Variants in KLKB1 observed in about 807,000 individuals in gnomAD.
The protein encoded by KLKB1 is plasma kallikrein.
A neutral mutation model predicts 73.6 loss-of-function variants in KLKB1; 58 were observed. The observed-to-expected ratio is 0.79, with a 90% CI of 0.64 to 0.98. The LOEUF is 0.98. KLKB1 is among the 50% of genes least tolerant of loss of function. The pLI is 0.00. For synonymous variants in KLKB1, 280 were observed against 258.1 expected, an observed-to-expected ratio of 1.08 and a Z score of -0.81; for missense variants, 737 against 763.8, an observed-to-expected ratio of 0.96 and a Z score of 0.41.
chr4:186,235,844 G>A (rs4253346), intron 4 of KLKB1, among the ~76,000 whole-genome samples: 1,748 of 152,030 alleles, frequency 0.011, 34 homozygotes, highest in African/African-American at 0.04. Flanking sequence ...GGCCGGGCGC[G>A]GTGGCTCACG....
Position 186,252,080 on chromosome 4 carries a change from C to A in KLKB1, c.1208C>A (p.Pro403His). ...GGTNSSWGEW[P>H]WQVSLQVKLT... ...ACAAACTCTTCTTGGGGAGAGTGGC[C>A]CTGGCAGGTGAGCCTGCAGGTGAAG... Residue 403 changes from proline to histidine, a missense_variant, in exon 11 of 15, where the codon CCC becomes CAC. Transcript: ENST00000264690. The A allele has an allele frequency of 6.2e-7, 1 of 1,614,006 alleles. No homozygotes were observed. Among genetic ancestry groups the A allele is most frequent in the Non-Finnish European group, 8.5e-7 (1 of 1,180,008 alleles).
At position 186,257,358 on chromosome 4, in the gene KLKB1, C is replaced by T; in HGVS notation, c.1718C>T (p.Ala573Val). The T allele has an allele frequency of 6.3e-7, 1 of 1,582,720 alleles. No individual in the cohort carries two copies. Among genetic ancestry groups the T allele is most frequent in the Non-Finnish European group, 8.6e-7 (1 of 1,163,702 alleles). ...GGCTATAAAGAAGGGGGAAAAGATG[C>T]TTGTAAGGTAACTCATGAGATTATG... ...CAGYKEGGKDACKGDSGGPLV... is the reference protein window; with the variant it reads ...CAGYKEGGKDVCKGDSGGPLV... Residue 573 changes from alanine (A) to valine (V), a missense_variant, in exon 14 of 15, where the codon GCT (alanine) becomes GTT (valine). Ala to Val is a moderately conservative substitution (Grantham distance 64). Transcript: ENST00000264690.
Position 186,251,780 on chromosome 4 carries a change from G to T in KLKB1, c.1063G>T (p.Gly355Cys), listed in dbSNP as rs754599677. Residue 355 changes from glycine to cysteine, a missense_variant, in exon 10 of 15, where the codon GGT (glycine) becomes TGT (cysteine). Transcript: ENST00000264690. Reference sequence around the variant, plus strand: ...GTGTTTCTTAAGATTATCTATGGATGGTTCTCCAACTAGGATTGCGTATGG... The same window carrying T: ...GTGTTTCTTAAGATTATCTATGGATTGTTCTCCAACTAGGATTGCGTATGG... ...CKCFLRLSMDGSPTRIAYGTQ... is the reference protein window; with the variant it reads ...CKCFLRLSMDCSPTRIAYGTQ... 1.1e-4 allele frequency: 182 copies of T among 1,613,822 alleles called. No individual in the cohort carries two copies. In the South Asian group the frequency reaches 2.0e-3, roughly 17 times the overall value.
chr4:186,221,443 T>A (rs1195854485), upstream of KLKB1, among the ~76,000 whole-genome samples: 7 of 152,114 alleles, frequency 4.6e-5, no homozygotes, highest in African/African-American at 1.4e-4. Context: ...AACTTCCTTC[T>A]TAGAACTGCT....
At position 186,254,678 on chromosome 4, in the gene KLKB1, G is replaced by A. The variant is rs906280138; in HGVS notation, c.1404G>A (p.Glu468=). The stretch of plus-strand genomic sequence containing the variant: ...ATACACCTTTCTCACAAATAAAAGA[G>A]ATTATTATTCACCAAAACTATAAAG... ...TKDTPFSQIK[E]IIIHQNYKVS... Residue 468 remains glutamate (E), a synonymous_variant, in exon 12 of 15, where the codon GAG becomes GAA. Transcript: ENST00000264690. 1.2e-6 allele frequency: 2 copies of A among 1,613,030 alleles called. No individual in the cohort carries two copies. The highest frequency in any genetic ancestry group is 2.7e-5 in the African/African-American group (2 of 74,880).
chr4:186,232,024 T>G, intron 2 of KLKB1, 103 bp from the exon 3 acceptor site: 1 of 846,000 alleles, frequency 1.2e-6, no homozygotes, highest in South Asian at 1.8e-5. Flanking sequence ...ATTATACAGG[T>G]CTTTGAGTAG....
At chr4:186,224,875 G>A (rs1737117488), upstream of KLKB1, among the ~76,000 whole-genome samples, 1 of 152,174 alleles carries the variant, frequency 6.6e-6, no homozygotes, top group Non-Finnish European at 1.5e-5. Context: ...GTCTTGAATT[G>A]TAATCCCCAC....
At chr4:186,233,069 C>G (rs752132471) in intron 3 of KLKB1, among the ~76,000 whole-genome samples, 5 of 151,094 alleles carry the variant, frequency 3.3e-5, no homozygotes, top group Non-Finnish European at 7.4e-5. Context: ...CACGCACCAC[C>G]ACGTCCAGCT....
intron 5 of KLKB1, among the ~76,000 whole-genome samples, chr4:186,237,525 C>T (rs1737760036): frequency 1.3e-5 from 2 of 152,188 alleles, no homozygotes; most frequent in African/African-American, 4.8e-5. Context: ...CTGATTCTTG[C>T]AGGTCTTTCC....
In KLKB1 at chr4:186,232,189, A is replaced by G. The variant is rs777462435; in HGVS notation, c.121A>G (p.Thr41Ala). ...FRGGDVASMY[T>A]PNAQYCQMRC... ...AGGTGGGGATGTAGCTTCCATGTAC[A>G]CCCCAAATGCCCAATACTGCCAGAT... The change falls in exon 3 of 15, where the codon ACC becomes GCC. Residue 41 changes from threonine to alanine, a missense_variant. Coordinates refer to ENST00000264690, the MANE Select transcript of KLKB1 (RefSeq NM_000892.5). 2.5e-6 allele frequency: 4 copies of G among 1,613,632 alleles called. No homozygotes were observed. The South Asian group carries it at 3.3e-5, about 13-fold the overall frequency.
Position 186,250,373 on chromosome 4 carries a change from T to C in KLKB1, c.729T>C (p.Tyr243=), listed in dbSNP as rs761203589. The C allele has an allele frequency of 6.2e-7, 1 of 1,614,140 alleles. No individual in the cohort carries two copies. Residue 243 remains tyrosine, a synonymous_variant, in exon 7 of 15, where the codon TAT becomes TAC. Transcript: ENST00000264690. ...YHPNCLFFTF[Y]TNVWKIESQR... ...CCAACTGCCTCTTCTTTACATTCTA[T>C]ACAAATGTATGGAAAATCGAGTCAC...
intron 4 of KLKB1, 106 bp downstream of exon 4, chr4:186,234,164 A>T (rs1737542503): frequency 1.2e-6 from 1 of 825,786 alleles, no homozygotes; most frequent in Non-Finnish European, 2.1e-6. Flanking sequence ...GGCATCACTC[A>T]TAAAGATAGG....
chr4:186,244,000 T>C (rs1738194574), intron 6 of KLKB1, among the ~76,000 whole-genome samples: 1 of 151,454 alleles, frequency 6.6e-6, no homozygotes. Context: ...GTCATGGGGG[T>C]GGGGGCCAGC....
intron 6 of KLKB1, among the ~76,000 whole-genome samples, chr4:186,240,670 C>T (rs1301352514): frequency 6.6e-6 from 1 of 152,148 alleles, no homozygotes; most frequent in Non-Finnish European, 1.5e-5. Flanking sequence ...GCTAGGATTT[C>T]CCTGTGGAAG....
At chr4:186,214,687 C>A (rs1210667082) in intron 2 of KLKB1, among the ~76,000 whole-genome samples, 2 of 152,016 alleles carry the variant, frequency 1.3e-5, no homozygotes, top group Admixed American at 1.3e-4. Context: ...AGTCATTTTT[C>A]TCCTCTAATT....
At chr4:186,244,668 T>C (rs1477845071) in intron 6 of KLKB1, among the ~76,000 whole-genome samples, 1 of 152,014 alleles carries the variant, frequency 6.6e-6, no homozygotes, top group Non-Finnish European at 1.5e-5. Flanking sequence ...TTTGGTACCA[T>C]GGGGTGAATA....
At position 186,258,411 on chromosome 4, in the gene KLKB1, T is replaced by TG; in HGVS notation, c.*200dup. 1.6e-6 allele frequency: 1 copy of TG among 636,286 alleles called. No individual in the cohort carries two copies. 39.4% of individuals were successfully genotyped at this position (636,286 alleles called of 1,614,324 possible). On this transcript the variant is annotated 3_prime_UTR_variant, in exon 15 of 15. Transcript: ENST00000264690. Reference sequence around the variant, plus strand: ...GCACGCCGTAACCAGGGGCTGACAATGCGAGGTCGCAACTGAGATCTCCAT... The same window carrying TG: ...GCACGCCGTAACCAGGGGCTGACAATGGCGAGGTCGCAACTGAGATCTCCAT...
At position 186,215,581 on chromosome 4, in the gene KLKB1, T is replaced by TATC. The variant is rs1325005984; in HGVS notation, c.201+6309_201+6310insATC. On this transcript the variant is annotated intron_variant, in intron 2 of 14. Coordinates refer to the KLKB1 transcript ENST00000511608. ...GACATTTATTTATTTATTTATTTATTTATCTATCTATCTATTTTTTGAGAC... is the reference window on the plus strand; with the variant it reads ...GACATTTATTTATTTATTTATTTATTATCTATCTATCTATCTATTTTTTGAGAC... Among the ~76,000 whole-genome samples the TATC allele has an allele frequency of 2.7e-3, 404 of 149,348 alleles. 2 individuals are homozygous for TATC. The highest frequency in any genetic ancestry group is 0.012 in the East Asian group (61 of 5,032).
At chr4:186,237,254 A>C (rs1163629354) in intron 5 of KLKB1, among the ~76,000 whole-genome samples, 1 of 151,944 alleles carries the variant, frequency 6.6e-6, no homozygotes, top group East Asian at 1.9e-4. Flanking sequence ...GTCCGCCACC[A>C]TGCCTGGCTA....
Sources: gnomAD v4.1 joint callset for allele counts (sites outside exome capture counted in the v4.1 genomes callset) on GRCh38, gnomAD v4.1.1 for gene constraint, MANE v1.5 for transcripts, NCBI Gene and HGNC (gene_info 2026-07-23, HGNC 2026-07-21) for gene names.